CHD3: variants seen among roughly 807,000 people sequenced by gnomAD.
CHD3 encodes ATP-dependent chromatin remodeler CHD3.
A neutral mutation model predicts 248.9 loss-of-function variants in CHD3; 52 were observed. The observed-to-expected ratio is 0.21, with a 90% confidence interval of 0.17 to 0.26. The LOEUF (loss-of-function observed/expected upper bound fraction) is 0.26, where lower values mean the gene tolerates loss of function less well. CHD3 is among the 10% of genes least tolerant of loss of function. The probability of loss-of-function intolerance (pLI) is 1.00; values close to 1 mark genes in which losing one functional copy is unlikely to be tolerated. For missense variants in CHD3, 1,482 were observed against 2,605.8 expected, an observed-to-expected ratio of 0.57 and a Z score of 9.39; for synonymous variants, 985 against 985.2, an observed-to-expected ratio of 1.00 and a Z score of 0.00.
intron 4 of CHD3, 53 bp from the exon 5 acceptor site, chr17:7,893,233 G>A (rs1969136546): frequency 6.6e-7 from 1 of 1,516,830 alleles, no homozygotes; most frequent in Non-Finnish European, 8.9e-7. Flanking sequence ...GGAGATGGCA[G>A]TGTTCCCAGA....
chr17:7,893,500 C>T lies in CHD3; in HGVS notation c.724C>T (p.Leu242Phe). The T allele has an allele frequency of 1.3e-6, 2 of 1,577,362 alleles. No homozygotes were observed. Among genetic ancestry groups the T allele is most frequent in the Non-Finnish European group, 8.7e-7 (1 of 1,149,604 alleles). Residue 242 changes from leucine to phenylalanine, a missense_variant, in exon 5 of 40, where the codon CTT becomes TTT. Coordinates refer to ENST00000330494, the MANE Select transcript of CHD3 (RefSeq NM_001005273.3). ...TPIAPSGPPA[L>F]PPPPAADIQP... ...CATAGCACCCTCCGGACCCCCCGCC[C>T]TTCCACCACCCCCTGCTGCTGATAT...
intron 13 of CHD3, 37 bp from the exon 14 acceptor site, chr17:7,898,974 C>G (rs1272566774): frequency 6.3e-7 from 1 of 1,588,988 alleles, no homozygotes; most frequent in Admixed American, 1.7e-5. Flanking sequence ...GAGCCGCCGA[C>G]TATTTCCTTG....
At chr17:7,894,394 C>T (rs774614302) in intron 7 of CHD3, 21 bp from the exon 8 acceptor site, 32 of 1,599,748 alleles carry the variant, frequency 2.0e-5, no homozygotes, top group Non-Finnish European at 2.3e-5. Context: ...TTCCTTATCC[C>T]TCCACCGGGG....
chr17:7,902,889 C>A, intron 21 of CHD3, 48 bp from the exon 22 acceptor site: 1 of 1,604,178 alleles, frequency 6.2e-7, no homozygotes, highest in Non-Finnish European at 8.5e-7. Flanking sequence ...AGCAGGTGGA[C>A]AGAACTACCG....
chr17:7,885,265 C>T (rs1967627425), upstream of CHD3: 1 of 351,192 alleles, frequency 2.8e-6, no homozygotes, highest in East Asian at 1.8e-4. Context: ...GCGGCTGCGA[C>T]CGCGGGGCCA....
In CHD3 at chr17:7,907,998, A is replaced by G; in HGVS notation, c.5131A>G (p.Ile1711Val). The G allele has an allele frequency of 1.2e-6, 2 of 1,607,310 alleles. No homozygotes were observed. The highest frequency in any genetic ancestry group is 1.1e-5 in the South Asian group (1 of 90,846). ...KTEKPRFMFN[I>V]ADGGFTELHT... Reference sequence around the variant, plus strand: ...AGAGAAGCCCCGGTTCATGTTCAATATCGCCGATGGTGGCTTCACAGGTTG... The same window carrying G: ...AGAGAAGCCCCGGTTCATGTTCAATGTCGCCGATGGTGGCTTCACAGGTTG... The change falls in exon 34 of 40, where the codon ATC becomes GTC. Residue 1711 changes from isoleucine to valine, a missense_variant. By Grantham distance (29) the Ile-to-Val change is conservative. Around this residue, in one of 20 missense-constraint regions of CHD3, gnomAD observed 254 missense variants for 266.7 expected, o/e 0.95. Coordinates refer to ENST00000330494, the MANE Select transcript of CHD3 (RefSeq NM_001005273.3). The surrounding 1 kb of genome is among the most constrained non-coding windows in gnomAD (Gnocchi z 4.3).
At chr17:7,894,036 T>C in intron 6 of CHD3, 79 bp from the exon 7 acceptor site, 1 of 1,168,562 alleles carries the variant, frequency 8.6e-7, no homozygotes, top group Non-Finnish European at 1.2e-6. Flanking sequence ...CCGTGAGGGA[T>C]GGCGGAACAG....
rs1969486989 is a variant in CHD3, at chr17:7,895,299, CCT to C, written c.1504-37_1504-36del. ...CTCATCTAACAATGGGTTCTTTCTG[CCT>C]CTTTCTTTCCTCCTCCTTGTACGTG... is the stretch of plus-strand genomic sequence containing the variant. On this transcript the variant is annotated intron_variant, in intron 9 of 39. Transcript: ENST00000330494. This position sits in a 1 kb window ranked among gnomAD's most constrained non-coding sequence, Gnocchi z 4.9. The C allele has an allele frequency of 6.2e-7, 1 of 1,607,258 alleles. No homozygotes were observed. Among genetic ancestry groups the C allele is most frequent in the East Asian group, 2.2e-5 (1 of 44,794 alleles).
rs1971020508 is a variant in CHD3, at chr17:7,906,825, A to G, written c.4504-44A>G. The G allele has an allele frequency of 6.2e-7, 1 of 1,609,944 alleles. No individual in the cohort carries two copies. The highest frequency in any genetic ancestry group is 8.5e-7 in the Non-Finnish European group (1 of 1,177,540). On this transcript the variant is annotated intron_variant, in intron 29 of 39. Transcript: ENST00000330494. The surrounding 1 kb of genome is among the most constrained non-coding windows in gnomAD (Gnocchi z 5.0). ...AGGAGACTGGAGCTTCCTGTCTGTA[A>G]GCGCCTGGAGCTGACACCTAACCCT...
intron 2 of CHD3, among the ~76,000 whole-genome samples, chr17:7,890,210 C>A (rs1344632985): frequency 6.6e-6 from 1 of 152,110 alleles, no homozygotes; most frequent in Non-Finnish European, 1.5e-5. Flanking sequence ...CCGGGTAGAT[C>A]ATTTGAGGTC....
intron 13 of CHD3, 125 bp from the exon 14 acceptor site, chr17:7,898,886 T>C (rs1247208305): frequency 9.0e-6 from 8 of 887,084 alleles, no homozygotes; most frequent in Non-Finnish European, 1.5e-5. Flanking sequence ...TGAGAACTTT[T>C]GTAAACTCAG....
At position 7,910,943 on chromosome 17, in the gene CHD3, A is replaced by G; in HGVS notation, c.5851A>G (p.Ser1951Gly). ...CCTGGCCGCCGCAGGCGCCAATTAC[A>G]GCCAGATGCCTGCAGGGTCCTTCAT... is the stretch of plus-strand genomic sequence containing the variant. ...GALAAAGANY[S>G]QMPAGSFITA... is the part of the protein sequence containing the mutation. Residue 1951 changes from serine (S) to glycine (G), a missense_variant, in exon 39 of 40, where the codon AGC (serine) becomes GGC (glycine). Around this residue, in one of 20 missense-constraint regions of CHD3, gnomAD observed 117 missense variants for 137.2 expected, o/e 0.85. Coordinates refer to ENST00000330494, the MANE Select transcript of CHD3 (RefSeq NM_001005273.3). The surrounding 1 kb of genome is among the most constrained non-coding windows in gnomAD (Gnocchi z 4.7). 1 of 1,613,526 alleles carries G rather than the reference A, an allele frequency of 6.2e-7. No homozygotes were observed. The highest frequency in any genetic ancestry group is 8.5e-7 in the Non-Finnish European group (1 of 1,179,802).
Position 7,899,381 on chromosome 17 carries a change from C to T in CHD3, c.2382C>T (p.Leu794=), listed in dbSNP as rs760227437. The T allele has an allele frequency of 1.2e-6, 2 of 1,614,194 alleles. No individual in the cohort carries two copies. Among genetic ancestry groups the T allele is most frequent in the South Asian group, 1.1e-5 (1 of 91,090 alleles). ...TKGPFLVSAP[L]STIINWEREF... Reference sequence around the variant, plus strand: ...GTCCCTTCCTGGTGAGTGCCCCACTCTCTACCATCATTAACTGGGAGCGGG... The same window carrying T: ...GTCCCTTCCTGGTGAGTGCCCCACTTTCTACCATCATTAACTGGGAGCGGG... Residue 794 remains leucine (L), a synonymous_variant, in exon 15 of 40, where the codon CTC becomes CTT. Coordinates refer to ENST00000330494, the MANE Select transcript of CHD3 (RefSeq NM_001005273.3). This position sits in a 1 kb window ranked among gnomAD's most constrained non-coding sequence, Gnocchi z 6.8.
Position 7,909,345 on chromosome 17 carries a change from G to A in CHD3, c.5590+7G>A, listed in dbSNP as rs1483623473. The A allele has an allele frequency of 4.5e-6, 7 of 1,539,454 alleles. No individual in the cohort carries two copies. The highest frequency in any genetic ancestry group is 5.3e-6 in the Non-Finnish European group (6 of 1,141,244). On this transcript the variant is annotated splice_region_variant and intron_variant, in intron 37 of 39. Coordinates refer to ENST00000330494, the MANE Select transcript of CHD3 (RefSeq NM_001005273.3). This position sits in a 1 kb window ranked among gnomAD's most constrained non-coding sequence, Gnocchi z 8.1. ...AACGCCGTCCTGCACAAGGGTAAGGGCCGCGGCGGCCCCGCGCGGGGGAGG... is the reference window on the plus strand; with the variant it reads ...AACGCCGTCCTGCACAAGGGTAAGGACCGCGGCGGCCCCGCGCGGGGGAGG...
rs1013298250 is a variant in CHD3, at chr17:7,909,559, G to A, written c.5590+221G>A. ...TCCATGTCTGATAGCATTCACATCC[G>A]TGCCCAATAGAGGGACCTGCCCCAG... On this transcript the variant is annotated intron_variant, in intron 37 of 39. Transcript: ENST00000330494. This position sits in a 1 kb window ranked among gnomAD's most constrained non-coding sequence, Gnocchi z 8.1. The A allele has an allele frequency of 1.4e-5, 9 of 641,122 alleles. No homozygotes were observed. Among genetic ancestry groups the A allele is most frequent in the South Asian group, 6.4e-5 (3 of 47,202 alleles). 39.7% of individuals were successfully genotyped at this position (641,122 alleles called of 1,614,324 possible). A position where few individuals can be genotyped will look rare whatever the true frequency, so the allele number is the denominator to read the frequency against.
At chr17:7,891,122 G>A in intron 4 of CHD3, 58 bp downstream of exon 4, 1 of 1,587,710 alleles carries the variant, frequency 6.3e-7, no homozygotes, top group Non-Finnish European at 8.6e-7. Flanking sequence ...GGGAGGTCCT[G>A]GACCCCTTGG....
rs1598006082 is a variant in CHD3 at position 7,908,593 on chromosome 17, G to A, written c.5261+83G>A. On this transcript the variant is annotated intron_variant, in intron 35 of 39. Coordinates refer to ENST00000330494, the MANE Select transcript of CHD3 (RefSeq NM_001005273.3). This position sits in a 1 kb window ranked among gnomAD's most constrained non-coding sequence, Gnocchi z 5.8. ...AAAGATGATTTCACACCCAGGGACA[G>A]GGCTAGTGCCACACTTTGGGGAGTC... The A allele has an allele frequency of 6.3e-7, 1 of 1,586,880 alleles. No homozygotes were observed. The highest frequency in any genetic ancestry group is 1.1e-5 in the South Asian group (1 of 90,100).
At position 7,903,688 on chromosome 17, in the gene CHD3, A is replaced by G; in HGVS notation, c.3728-137A>G. On this transcript the variant is annotated intron_variant, in intron 23 of 39. Transcript: ENST00000330494. This position sits in a 1 kb window ranked among gnomAD's most constrained non-coding sequence, Gnocchi z 6.8. Reference sequence around the variant, plus strand: ...CCTGTAGGGTTAAAACAAACAAAACAAAAACCTTTCAACATTGGCTCCCGG... The same window carrying G: ...CCTGTAGGGTTAAAACAAACAAAACGAAAACCTTTCAACATTGGCTCCCGG... 1 of 1,132,098 alleles carries G rather than the reference A, an allele frequency of 8.8e-7. No homozygotes were observed. Among genetic ancestry groups the G allele is most frequent in the Non-Finnish European group, 1.2e-6 (1 of 804,276 alleles). 70.1% of individuals were successfully genotyped at this position (1,132,098 alleles called of 1,614,324 possible).
intron 10 of CHD3, among the ~76,000 whole-genome samples, chr17:7,896,084 T>G (rs1269178128): frequency 6.6e-6 from 1 of 151,764 alleles, no homozygotes; most frequent in African/African-American, 2.4e-5. Context: ...AAAAATTAGC[T>G]GGGCGTGGTG....
Sources: gnomAD v4.1 joint callset for allele counts (sites outside exome capture counted in the v4.1 genomes callset) on GRCh38, gnomAD v4.1.1 for gene constraint, gnomAD v4.1.1 regional missense constraint, Gnocchi (gnomAD v3.1) non-coding constraint, MANE v1.5 for transcripts, NCBI Gene and HGNC (gene_info 2026-07-23, HGNC 2026-07-21) for gene names.